LINGO1: variants seen among roughly 807,000 people sequenced by gnomAD.
LINGO1 encodes the protein leucine-rich repeat and immunoglobulin-like domain-containing nogo receptor-interacting protein 1.
LINGO1 carries 11 observed loss-of-function variants against 37.3 expected under a neutral mutation model. The observed-to-expected ratio is 0.29, with a 90% CI of 0.19 to 0.49. The LOEUF (loss-of-function observed/expected upper bound fraction) is 0.49, where lower values mean the gene tolerates loss of function less well. LINGO1 is among the 20% of genes least tolerant of loss of function. LINGO1 has a pLI of 0.99. For missense variants in LINGO1, 585 were observed against 878.2 expected, an observed-to-expected ratio of 0.67 and a Z score of 4.22; for synonymous variants, 387 against 403.0, an observed-to-expected ratio of 0.96 and a Z score of 0.48.
intron 2 of LINGO1, among the ~76,000 whole-genome samples, chr15:77,687,035 T>C (rs929591628): frequency 1.3e-5 from 2 of 152,120 alleles, no homozygotes; most frequent in Non-Finnish European, 2.9e-5. Context: ...GGCACCTGCT[T>C]TTCTATTGGC....
chr15:77,786,743 A>T (rs2076775260), intron 1 of LINGO1: 1 of 152,354 alleles, frequency 6.6e-6, no homozygotes. Flanking sequence ...TGGGCTGGCC[A>T]CTGAGGGGAG....
rs1048176237 is a variant in LINGO1 at position 77,774,470 on chromosome 15, C to T, written c.-257+12399G>A. Among the ~76,000 whole-genome samples, 7 of 152,276 alleles carry T rather than the reference C, an allele frequency of 4.6e-5. No homozygotes were observed. In the East Asian group the frequency reaches 1.4e-3, roughly 29 times the overall value. On this transcript the variant is annotated intron_variant, in intron 1 of 3. Coordinates refer to the LINGO1 transcript ENST00000561686. Reference sequence around the variant, plus strand: ...AGCAGCGGGGCACCCTACAGGAGCCCTCTCCAACCCCGCCGGGAACCCCAC... The same window carrying T: ...AGCAGCGGGGCACCCTACAGGAGCCTTCTCCAACCCCGCCGGGAACCCCAC...
At chr15:77,657,801 G>A (rs1009807646) in intron 3 of LINGO1, among the ~76,000 whole-genome samples, 1 of 152,188 alleles carries the variant, frequency 6.6e-6, no homozygotes, top group African/African-American at 2.4e-5. Flanking sequence ...CCGCCGCGGG[G>A]GCTTGAGGGA....
At chr15:77,754,060 G>A (rs897898631) in intron 1 of LINGO1, among the ~76,000 whole-genome samples, 1 of 151,870 alleles carries the variant, frequency 6.6e-6, no homozygotes, top group African/African-American at 2.4e-5. Flanking sequence ...AACAGGCCCA[G>A]AGCTGGGAGA....
intron 2 of LINGO1, among the ~76,000 whole-genome samples, chr15:77,679,642 G>T (rs567270179): frequency 2.5e-4 from 38 of 152,234 alleles, no homozygotes; most frequent in Non-Finnish European, 1.9e-4. Flanking sequence ...GTTAATAAGG[G>T]GCTGAGCCAG....
chr15:77,654,148 C>T (rs1205819769), intron 3 of LINGO1, among the ~76,000 whole-genome samples: 1 of 152,172 alleles, frequency 6.6e-6, no homozygotes, highest in East Asian at 1.9e-4. Context: ...AACTGATGCA[C>T]AGGTAGAGAT....
upstream of LINGO1, among the ~76,000 whole-genome samples, chr15:77,634,756 C>T (rs1277187552): frequency 1.2e-4 from 18 of 147,404 alleles, no homozygotes; most frequent in Admixed American, 1.2e-3. Context: ...CCCCAGACTC[C>T]CCAGCCCCCC....
intron 2 of LINGO1, among the ~76,000 whole-genome samples, chr15:77,680,241 C>T (rs1045673484): frequency 6.6e-6 from 1 of 152,174 alleles, no homozygotes; most frequent in Non-Finnish European, 1.5e-5. Flanking sequence ...ACTACCCTGC[C>T]CACATCCCAC....
intron 3 of LINGO1, among the ~76,000 whole-genome samples, chr15:77,664,178 CGCAT>C (rs2075076045): frequency 7.5e-6 from 1 of 134,066 alleles, no homozygotes; most frequent in African/African-American, 3.0e-5. Context: ...TGTGCGCGCG[CGCAT>C]GCGTTTGCAT....
intron 2 of LINGO1, among the ~76,000 whole-genome samples, chr15:77,707,694 G>A (rs755521773): frequency 3.9e-5 from 6 of 152,204 alleles, no homozygotes; most frequent in Non-Finnish European, 7.3e-5. Context: ...CAGCTGTGAC[G>A]TTCTGCAACC....
chr15:77,633,761 C>T (rs74025333), upstream of LINGO1, among the ~76,000 whole-genome samples: 30,666 of 152,202 alleles, frequency 0.2, 6,641 homozygotes, highest in African/African-American at 0.55. Context: ...CAACTTCAGA[C>T]GGGCCCAAGG....
chr15:77,718,929 C>T lies in LINGO1; in HGVS notation c.-195+16063G>A, dbSNP rs922717925. 9.3e-5 allele frequency among the ~76,000 whole-genome samples: 14 copies of T among 150,716 alleles called. 1 individual carries two copies. ...CCTAACCTTATTTCCTCATTTCTAGCAGCAAGAGAGGCTGGGGCTGGGCTG... is the reference window on the plus strand; with the variant it reads ...CCTAACCTTATTTCCTCATTTCTAGTAGCAAGAGAGGCTGGGGCTGGGCTG... On this transcript the variant is annotated intron_variant, in intron 2 of 3. Coordinates refer to the LINGO1 transcript ENST00000561686.
intron 1 of LINGO1, chr15:77,696,082 A>G (rs2075688323): frequency 6.6e-6 from 1 of 152,178 alleles, no homozygotes; most frequent in Non-Finnish European, 1.5e-5. Flanking sequence ...GGAGTACATT[A>G]CTGCCCTGAA....
intron 2 of LINGO1, among the ~76,000 whole-genome samples, chr15:77,717,231 G>A (rs2141303920): frequency 6.6e-6 from 1 of 150,944 alleles, no homozygotes; most frequent in South Asian, 2.1e-4. Flanking sequence ...CTGCGCTCAG[G>A]TCCTGGAAGG....
At chr15:77,749,792 C>T (rs2076352710) in intron 1 of LINGO1, among the ~76,000 whole-genome samples, 1 of 152,246 alleles carries the variant, frequency 6.6e-6, no homozygotes, top group Non-Finnish European at 1.5e-5. Flanking sequence ...AACATCTTCT[C>T]TCTGCCAATA....
intron 1 of LINGO1, among the ~76,000 whole-genome samples, chr15:77,621,485 G>C (rs147273182): frequency 6.6e-5 from 10 of 152,328 alleles, no homozygotes; most frequent in African/African-American, 2.4e-4. Context: ...AAAGCCAGAG[G>C]GGGGCAGAGC....
chr15:77,784,457 T>C (rs1596228515), intron 1 of LINGO1, among the ~76,000 whole-genome samples: 1 of 152,248 alleles, frequency 6.6e-6, no homozygotes, highest in Non-Finnish European at 1.5e-5. Flanking sequence ...GCAGCAAAGG[T>C]AGCTTCCCTT....
rs2076429802 is a variant in LINGO1, at chr15:77,757,268, G to A, written c.-256-22215C>T. On this transcript the variant is annotated intron_variant, in intron 1 of 3. Transcript: ENST00000561686. ...GGTTTTCTTGGGCAGTCTGCCGCAG[G>A]GGCCCAGGCTCTGGTCTGACAGGAC... 2.6e-5 allele frequency among the ~76,000 whole-genome samples: 4 copies of A among 152,232 alleles called. No homozygotes were observed. In the South Asian group the frequency reaches 8.3e-4, roughly 32 times the overall value.
At chr15:77,689,953 T>G (rs1174495816) in intron 2 of LINGO1, among the ~76,000 whole-genome samples, 7 of 152,122 alleles carry the variant, frequency 4.6e-5, no homozygotes, top group African/African-American at 1.7e-4. Context: ...TCTCAGGGAG[T>G]TCTCTCAGCA....
Sources: allele counts gnomAD v4.1 joint callset (sites outside exome capture counted in the v4.1 genomes callset), GRCh38; gene constraint gnomAD v4.1.1; transcripts MANE v1.5; gene names NCBI Gene and HGNC (gene_info 2026-07-23, HGNC 2026-07-21).